The following GABARAPL1 variants were observed in gnomAD, a reference collection of about 807,000 sequenced individuals.
GABARAPL1 encodes the protein GABA type A receptor associated protein like 1, also known as gamma-aminobutyric acid receptor-associated protein-like 1.
In GABARAPL1, 4 loss-of-function variants were observed where a neutral mutation model predicts 14.5. The observed-to-expected ratio is 0.28, with a 90% confidence interval of 0.14 to 0.63. GABARAPL1 has a LOEUF of 0.63. Ranked by LOEUF, GABARAPL1 falls within the 30% of genes least tolerant of loss-of-function variation. GABARAPL1 has a pLI of 0.84. For synonymous variants in GABARAPL1, 47 were observed against 50.6 expected, an observed-to-expected ratio of 0.93 and a Z score of 0.30; for missense variants, 82 against 139.2, an observed-to-expected ratio of 0.59 and a Z score of 2.07.
At chr12:10,216,970 T>C (rs1436294444) in intron 1 of GABARAPL1, among the ~76,000 whole-genome samples, 1 of 152,208 alleles carries the variant, frequency 6.6e-6, no homozygotes, top group Non-Finnish European at 1.5e-5. Flanking sequence ...TACATGATTT[T>C]TTTACAACTT....
chr12:10,222,135 ATTG>A lies in GABARAPL1; in HGVS notation c.*288_*290del. The A allele has an allele frequency of 2.4e-6, 1 of 410,946 alleles. No homozygotes were observed. The highest frequency in any genetic ancestry group is 4.6e-6 in the Non-Finnish European group (1 of 219,666). The allele number at this position is 410,946 out of a possible 1,614,324, so 25.5% of individuals were successfully genotyped here. ...AAGTTTACAGTATTCCTGGGGTTTA[ATTG>A]TTGTGCAGTTTCATAGATGGGTCAG... On this transcript the variant is annotated 3_prime_UTR_variant, in exon 4 of 4. Coordinates refer to ENST00000266458, the MANE Select transcript of GABARAPL1 (RefSeq NM_031412.4).
intron 3 of GABARAPL1, chr12:10,221,298 A>T: frequency 3.1e-6 from 3 of 972,064 alleles, no homozygotes; most frequent in Non-Finnish European, 3.7e-6. Context: ...GAATCTGAGG[A>T]AACTATAGTG....
At chr12:10,219,641 A>G (rs1195967845) in intron 2 of GABARAPL1, among the ~76,000 whole-genome samples, 1 of 152,058 alleles carries the variant, frequency 6.6e-6, no homozygotes, top group Non-Finnish European at 1.5e-5. Flanking sequence ...CTCTACTAAA[A>G]ATACAAAAGT....
intron 3 of GABARAPL1, chr12:10,220,942 ATTATT>A: frequency 7.7e-7 from 1 of 1,303,712 alleles, no homozygotes; most frequent in Non-Finnish European, 9.7e-7. Flanking sequence ...AATCCAGTTC[ATTATT>A]TTACTCCCAT....
Position 10,212,927 on chromosome 12 carries a change from G to T in GABARAPL1, c.-203G>T. 1.9e-6 allele frequency: 1 copy of T among 538,654 alleles called. No homozygotes were observed. The allele number at this position is 538,654 out of a possible 1,614,324, so 33.4% of individuals were successfully genotyped here. On this transcript the variant is annotated 5_prime_UTR_variant, in exon 1 of 4. Coordinates refer to ENST00000266458, the MANE Select transcript of GABARAPL1 (RefSeq NM_031412.4). Reference sequence around the variant, plus strand: ...AAAGCCGCCGGTATTTCTCCATCTGGCTCTCCTCTACCTCCAGGCAGGCTC... The same window carrying T: ...AAAGCCGCCGGTATTTCTCCATCTGTCTCTCCTCTACCTCCAGGCAGGCTC...
chr12:10,214,848 G>C (rs1949079243), intron 1 of GABARAPL1: 1 of 152,150 alleles, frequency 6.6e-6, no homozygotes, highest in Admixed American at 6.5e-5. Context: ...AATTAATGAC[G>C]TGCTGTGGAC....
intron 1 of GABARAPL1, chr12:10,213,816 C>G (rs1949072411): frequency 2.2e-6 from 1 of 455,812 alleles, no homozygotes; most frequent in Non-Finnish European, 4.4e-6. Flanking sequence ...CCCAACAGCC[C>G]TCTTGCCTCA....
At chr12:10,218,316 G>C (rs137990668) in intron 2 of GABARAPL1, among the ~76,000 whole-genome samples, 175 bp downstream of exon 2, 17 of 152,230 alleles carry the variant, frequency 1.1e-4, no homozygotes, top group Non-Finnish European at 2.2e-4. Context: ...GCTCACGCCT[G>C]TAATCCCAGC....
Position 10,213,236 on chromosome 12 carries a change from G to A in GABARAPL1, c.90+17G>A. On this transcript the variant is annotated intron_variant, in intron 1 of 3. Transcript: ENST00000266458. Reference sequence around the variant, plus strand: ...AGGGTCCCCGTGAGTGTAGAGGAGCGGAGGGGATGGGAGGGGAAGGGCCCG... The same window carrying A: ...AGGGTCCCCGTGAGTGTAGAGGAGCAGAGGGGATGGGAGGGGAAGGGCCCG... 2.7e-6 allele frequency: 4 copies of A among 1,464,812 alleles called. No homozygotes were observed. The highest frequency in any genetic ancestry group is 3.8e-6 in the Non-Finnish European group (4 of 1,065,160). 90.7% of individuals were successfully genotyped at this position (1,464,812 alleles called of 1,614,324 possible).
Position 10,212,993 on chromosome 12 carries a change from C to T in GABARAPL1, c.-137C>T. On this transcript the variant is annotated 5_prime_UTR_variant, in exon 1 of 4. Transcript: ENST00000266458. The stretch of plus-strand genomic sequence containing the variant: ...CCCGAACCCCCCCTGCACACTCGGC[C>T]CAGCGCTGTTGCCCCCGGAGCGGAC... 1.6e-6 allele frequency: 1 copy of T among 635,328 alleles called. No homozygotes were observed. Among genetic ancestry groups the T allele is most frequent in the Non-Finnish European group, 2.9e-6 (1 of 345,404 alleles). The allele number at this position is 635,328 out of a possible 1,614,324, so 39.4% of individuals were successfully genotyped here. A position where few individuals can be genotyped will look rare whatever the true frequency, so the allele number is the denominator to read the frequency against.
chr12:10,222,263 G>T lies in GABARAPL1; in HGVS notation c.*411G>T, dbSNP rs1434423138. 1 of 201,288 alleles carries T rather than the reference G, an allele frequency of 5.0e-6. No homozygotes were observed. Among genetic ancestry groups the T allele is most frequent in the Non-Finnish European group, 1.0e-5 (1 of 96,040 alleles). The allele number at this position is 201,288 out of a possible 1,614,324, so 12.5% of individuals were successfully genotyped here. A position where few individuals can be genotyped will look rare whatever the true frequency, so the allele number is the denominator to read the frequency against. On this transcript the variant is annotated 3_prime_UTR_variant, in exon 4 of 4. Transcript: ENST00000266458. ...GATTCTATTTTTGACATTTGCACAA[G>T]ACAGGTAGGGAAAGGGGACTTGTGG... is the stretch of plus-strand genomic sequence containing the variant.
chr12:10,219,002 A>G (rs142933603), intron 2 of GABARAPL1, among the ~76,000 whole-genome samples: 5,383 of 150,732 alleles, frequency 0.036, 316 homozygotes, highest in African/African-American at 0.12. Context: ...GTGAGCCACC[A>G]TGCCCCACCT....
intron 3 of GABARAPL1, 167 bp downstream of exon 3, chr12:10,220,725 T>A (rs7301041): frequency 1 from 1,523,609 of 1,527,620 alleles, 759,890 homozygotes; most frequent in East Asian, 1. Flanking sequence ...ATTAGATACC[T>A]CTTGTTTTTT....
chr12:10,219,766 G>C (rs960042211), intron 2 of GABARAPL1, among the ~76,000 whole-genome samples: 2 of 151,974 alleles, frequency 1.3e-5, no homozygotes. Flanking sequence ...TCGCCATTGC[G>C]CTTTCAGCCT....
At chr12:10,219,338 A>C (rs201010828) in intron 2 of GABARAPL1, among the ~76,000 whole-genome samples, 1 of 128,298 alleles carries the variant, frequency 7.8e-6, no homozygotes, top group African/African-American at 2.5e-5. Context: ...AAAAACAAAA[A>C]AAAAAAACCC....
Position 10,221,939 on chromosome 12 carries a change from C to T in GABARAPL1, c.*87C>T, listed in dbSNP as rs1949122020. On this transcript the variant is annotated 3_prime_UTR_variant, in exon 4 of 4. Transcript: ENST00000266458. ...CGCGACATGGGGAAAGAGGGTGGCT[C>T]CCACCGCAAGGAGACAGAAGGTGAA... The T allele has an allele frequency of 8.4e-7, 1 of 1,190,384 alleles. No individual in the cohort carries two copies. The highest frequency in any genetic ancestry group is 1.8e-5 in the Admixed American group (1 of 56,182). The allele number at this position is 1,190,384 out of a possible 1,614,324, so 73.7% of individuals were successfully genotyped here.
chr12:10,218,331 T>C (rs1949101879), intron 2 of GABARAPL1, among the ~76,000 whole-genome samples, 190 bp downstream of exon 2: 1 of 152,202 alleles, frequency 6.6e-6, no homozygotes, highest in African/African-American at 2.4e-5. Context: ...CCCAGCACTT[T>C]GGGAGACTGA....
At chr12:10,217,487 T>A (rs1592004876) in intron 1 of GABARAPL1, among the ~76,000 whole-genome samples, 1 of 152,322 alleles carries the variant, frequency 6.6e-6, no homozygotes, top group East Asian at 1.9e-4. Context: ...ATCCCAGCAC[T>A]TTGGGAGGCC....
Position 10,222,299 on chromosome 12 carries a change from T to C in GABARAPL1, c.*447T>C, listed in dbSNP as rs1949123905. 1.6e-5 allele frequency: 3 copies of C among 182,278 alleles called. No homozygotes were observed. Among genetic ancestry groups the C allele is most frequent in the South Asian group, 1.2e-4 (1 of 8,128 alleles). 11.3% of individuals were successfully genotyped at this position (182,278 alleles called of 1,614,324 possible). On this transcript the variant is annotated 3_prime_UTR_variant, in exon 4 of 4. Transcript: ENST00000266458. The stretch of plus-strand genomic sequence containing the variant: ...AAAGGGGACTTGTGGTAGTGGACCA[T>C]ACCTGGGGACCAAAAGAGACCCACT...
Sources: allele counts gnomAD v4.1 joint callset (sites outside exome capture counted in the v4.1 genomes callset), GRCh38; gene constraint gnomAD v4.1.1; transcripts MANE v1.5; gene names NCBI Gene and HGNC (gene_info 2026-07-23, HGNC 2026-07-21).